PIK3CB: variants seen among roughly 807,000 people sequenced by gnomAD.
PIK3CB encodes phosphatidylinositol 4,5-bisphosphate 3-kinase catalytic subunit beta isoform.
PIK3CB carries 39 observed loss-of-function variants against 136.8 expected under a neutral mutation model. The ratio of observed to expected loss-of-function variants is 0.29; its 90% CI spans 0.22 to 0.37. The LOEUF is 0.37. Ranked by LOEUF, PIK3CB falls within the 10% of genes least tolerant of loss-of-function variation. The pLI is 1.00. For missense variants in PIK3CB, 868 were observed against 1,275.4 expected, an observed-to-expected ratio of 0.68 and a Z score of 4.87; for synonymous variants, 428 against 436.6, an observed-to-expected ratio of 0.98 and a Z score of 0.25.
intron 2 of PIK3CB, among the ~76,000 whole-genome samples, chr3:138,793,388 G>A (rs113899772): frequency 3.3e-5 from 5 of 149,554 alleles, no homozygotes; most frequent in African/African-American, 1.2e-4. Context: ...GGCGGATCCC[G>A]CGAGGTGAGG....
chr3:138,796,046 C>T (rs975718156), intron 2 of PIK3CB, among the ~76,000 whole-genome samples: 3 of 152,046 alleles, frequency 2.0e-5, no homozygotes, highest in Admixed American at 2.0e-4. Context: ...GACCTAGCAT[C>T]CCCCCTACTC....
chr3:138,791,477 G>A (rs899068576), intron 2 of PIK3CB, among the ~76,000 whole-genome samples: 6 of 152,066 alleles, frequency 3.9e-5, no homozygotes, highest in African/African-American at 1.4e-4. Context: ...CTCAGCCACA[G>A]CTTGACCTTT....
chr3:138,722,246 A>G (rs976140484), intron 8 of PIK3CB, among the ~76,000 whole-genome samples: 57 of 151,360 alleles, frequency 3.8e-4, no homozygotes, highest in Non-Finnish European at 7.1e-4. Flanking sequence ...ACACACACAC[A>G]CACACACACA....
chr3:138,714,443 T>C (rs772753344), intron 9 of PIK3CB, 25 bp downstream of exon 9: 6 of 1,503,694 alleles, frequency 4.0e-6, no homozygotes, highest in Non-Finnish European at 2.7e-6. Context: ...TATAAAACAA[T>C]CCTCAGAAGT....
rs1455285725 is a variant in PIK3CB at position 138,682,010 on chromosome 3, G to A, written c.2461C>T (p.Arg821Cys). The change falls in exon 19 of 24, where the codon CGC (arginine) becomes TGC (cysteine). Residue 821 changes from arginine (R) to cysteine (C), a missense_variant. By Grantham distance (180) the Arg-to-Cys change is radical. Transcript: ENST00000674063. ...RQDMLTLQMLRLMDLLWKEAG... is the reference protein window; with the variant it reads ...RQDMLTLQMLCLMDLLWKEAG... ...TCTTTCCAGAGTAAATCCATCAAGCGCAACATTTGGAGTGTCAACATATCC... is the reference window on the plus strand; with the variant it reads ...TCTTTCCAGAGTAAATCCATCAAGCACAACATTTGGAGTGTCAACATATCC... 2.5e-6 allele frequency: 4 copies of A among 1,610,450 alleles called. No homozygotes were observed. The highest frequency in any genetic ancestry group is 2.5e-6 in the Non-Finnish European group (3 of 1,178,744).
intron 3 of PIK3CB, 96 bp downstream of exon 3, chr3:138,759,075 TCA>T: frequency 1.4e-6 from 1 of 730,192 alleles, no homozygotes; most frequent in Non-Finnish European, 2.1e-6. Flanking sequence ...ACTATCATTA[TCA>T]CATATAATTT....
At chr3:138,802,882 G>A (rs1250061447) in intron 1 of PIK3CB, among the ~76,000 whole-genome samples, 4 of 152,118 alleles carry the variant, frequency 2.6e-5, no homozygotes, top group Non-Finnish European at 5.9e-5. Context: ...AATAAATGAT[G>A]GATATAGGAA....
At position 138,714,701 on chromosome 3, in the gene PIK3CB, G is replaced by A; in HGVS notation, c.1069C>T (p.Leu357Phe). 1 of 1,608,182 alleles carries A rather than the reference G, an allele frequency of 6.2e-7. No individual in the cohort carries two copies. The highest frequency in any genetic ancestry group is 8.5e-7 in the Non-Finnish European group (1 of 1,177,748). Residue 357 changes from leucine (L) to phenylalanine (F), a missense_variant, in exon 9 of 24, where the codon CTT becomes TTT. Leu to Phe is a conservative substitution (Grantham distance 22, BLOSUM62 0). Coordinates refer to ENST00000674063, the MANE Select transcript of PIK3CB (RefSeq NM_006219.3). ...ETVKVHVRAG[L>F]FHGTELLCKT... is the part of the protein sequence containing the mutation. ...CACAGGAGCTCAGTACCATGAAAAAGACCAGCCCTGACATGAACCTGTAAC... is the reference window on the plus strand; with the variant it reads ...CACAGGAGCTCAGTACCATGAAAAAAACCAGCCCTGACATGAACCTGTAAC...
At chr3:138,657,132 T>C (rs932385157) in intron 22 of PIK3CB, among the ~76,000 whole-genome samples, 2 of 152,168 alleles carry the variant, frequency 1.3e-5, no homozygotes, top group Non-Finnish European at 2.9e-5. Flanking sequence ...AGGTATATTC[T>C]GCAGAAACCC....
intron 19 of PIK3CB, among the ~76,000 whole-genome samples, chr3:138,669,678 C>T (rs1170235574): frequency 6.6e-6 from 1 of 151,990 alleles, no homozygotes; most frequent in Non-Finnish European, 1.5e-5. Context: ...TCTAAGCTGA[C>T]ATGAAAGGTA....
At chr3:138,656,070 G>A in intron 23 of PIK3CB, 72 bp downstream of exon 23, 1 of 1,491,980 alleles carries the variant, frequency 6.7e-7, no homozygotes, top group Non-Finnish European at 9.3e-7. Flanking sequence ...TCAGCCACTT[G>A]AATAAAACAG....
intron 1 of PIK3CB, chr3:138,824,979 G>T: frequency 1.0e-5 from 2 of 196,566 alleles, no homozygotes; most frequent in Non-Finnish European, 1.1e-5. Flanking sequence ...AGGATCACTT[G>T]AACCTGGGGA....
rs560884429 is a variant in PIK3CB at position 138,708,414 on chromosome 3, C to T, written c.1400-1125G>A. Among the ~76,000 whole-genome samples, 94 of 151,740 alleles carry T rather than the reference C, an allele frequency of 6.2e-4. 1 individual carries two copies. Among genetic ancestry groups the T allele is most frequent in the Middle Eastern group, 3.4e-3 (1 of 294 alleles). ...TAGCTGGGACCACAGGCGCATGCCA[C>T]CATGCCCAGCTAATTTTTTAATTTT... On this transcript the variant is annotated intron_variant, in intron 10 of 23. Coordinates refer to ENST00000674063, the MANE Select transcript of PIK3CB (RefSeq NM_006219.3).
intron 3 of PIK3CB, among the ~76,000 whole-genome samples, chr3:138,758,143 A>C (rs1202161222): frequency 6.6e-6 from 1 of 152,254 alleles, no homozygotes; most frequent in Non-Finnish European, 1.5e-5. Context: ...TATGCTATGC[A>C]AGCCAACTAC....
intron 4 of PIK3CB, among the ~76,000 whole-genome samples, chr3:138,754,941 T>G (rs748399066): frequency 6.6e-6 from 1 of 152,170 alleles, no homozygotes; most frequent in Non-Finnish European, 1.5e-5. Flanking sequence ...CAGTACCCTC[T>G]CTAAAGCAAG....
chr3:138,723,765 C>G (rs563680234), intron 8 of PIK3CB, among the ~76,000 whole-genome samples: 2 of 152,246 alleles, frequency 1.3e-5, no homozygotes, highest in East Asian at 3.9e-4. Flanking sequence ...TAAAAATGTT[C>G]TGTGTTGAAT....
intron 21 of PIK3CB, among the ~76,000 whole-genome samples, chr3:138,659,866 C>CTTTT (rs56255742): frequency 1.3e-4 from 10 of 75,450 alleles, no homozygotes; most frequent in African/African-American, 3.4e-4. Flanking sequence ...CTTTCCTCTT[C>CTTTT]TTTTTTTTTT....
intron 14 of PIK3CB, 55 bp from the exon 15 acceptor site, chr3:138,691,198 T>C (rs2044000150): frequency 1.3e-6 from 2 of 1,509,862 alleles, no homozygotes; most frequent in African/African-American, 1.4e-5. Context: ...CAGAAAAAGA[T>C]CCCTTGGTAT....
At chr3:138,827,434 G>T (rs1340896283) in intron 1 of PIK3CB, among the ~76,000 whole-genome samples, 5 of 152,030 alleles carry the variant, frequency 3.3e-5, no homozygotes, top group African/African-American at 1.2e-4. Flanking sequence ...GCAGGAAGAT[G>T]GCTTGAGGCC....
Sources: allele counts gnomAD v4.1 joint callset (sites outside exome capture counted in the v4.1 genomes callset), GRCh38; gene constraint gnomAD v4.1.1; transcripts MANE v1.5; gene names NCBI Gene and HGNC (gene_info 2026-07-23, HGNC 2026-07-21).